PER2: variants seen among roughly 807,000 people sequenced by gnomAD.
PER2 encodes the protein period circadian regulator 2.
PER2 carries 66 observed loss-of-function variants against 121.0 expected under a neutral mutation model. That is an observed-to-expected ratio of 0.55 (90% CI 0.45 to 0.67). PER2 has a LOEUF of 0.67. Among genes scored for constraint, PER2 ranks in the 30% least tolerant of loss-of-function variants. The pLI, the probability that PER2 is intolerant of heterozygous loss-of-function variation, is 0.00. For missense variants in PER2, 1,521 were observed against 1,635.0 expected (o/e 0.93, Z 1.20); for synonymous variants, 684 against 659.9 (o/e 1.04, Z -0.56).
At chr2:238,273,228 C>A (rs1332343020) in intron 4 of PER2, 37 bp from the exon 5 acceptor site, 3 of 1,608,048 alleles carry the variant, frequency 1.9e-6, no homozygotes, top group Non-Finnish European at 1.7e-6. Context: ...TGGGCAGAAC[C>A]CAGCGCTTGG....
chr2:238,284,275 C>G (rs540402532), intron 1 of PER2, among the ~76,000 whole-genome samples: 5 of 152,098 alleles, frequency 3.3e-5, no homozygotes, highest in Middle Eastern at 3.4e-3. Context: ...AAACCCGTCT[C>G]TACTAAAAAT....
chr2:238,292,777 G>C (rs1235486569), upstream of PER2, among the ~76,000 whole-genome samples: 1 of 139,132 alleles, frequency 7.2e-6, no homozygotes, highest in African/African-American at 2.7e-5. Context: ...TCACTCTTTC[G>C]CCCAGACTGG....
chr2:238,268,957 A>G lies in PER2; in HGVS notation c.790T>C (p.Cys264Arg). Reference protein sequence around the residue: ...CSGADSFTQECMEEKSFFCRV... With the variant: ...CSGADSFTQERMEEKSFFCRV... ...CAAAAGAAAGATTTCTCCTCCATGCATTCTTGAGTAAAAGAATCTAAAAGA... is the reference window on the plus strand; with the variant it reads ...CAAAAGAAAGATTTCTCCTCCATGCGTTCTTGAGTAAAAGAATCTAAAAGA... Residue 264 changes from cysteine (C) to arginine (R), a missense_variant, in exon 7 of 23, where the codon TGC (cysteine) becomes CGC (arginine). Coordinates refer to ENST00000254657, the MANE Select transcript of PER2 (RefSeq NM_022817.3). This position sits in a 1 kb window ranked among gnomAD's most constrained non-coding sequence, Gnocchi z 4.0. 1.2e-6 allele frequency: 2 copies of G among 1,612,670 alleles called. No individual in the cohort carries two copies. The highest frequency in any genetic ancestry group is 8.5e-7 in the Non-Finnish European group (1 of 1,178,586).
chr2:238,274,542 G>A (rs2106321484), intron 4 of PER2, among the ~76,000 whole-genome samples: 1 of 152,356 alleles, frequency 6.6e-6, no homozygotes, highest in East Asian at 1.9e-4. Context: ...ATGTGGCAGA[G>A]CTTCTGAGCT....
chr2:238,273,919 G>A (rs940617267), intron 4 of PER2, among the ~76,000 whole-genome samples: 4 of 152,298 alleles, frequency 2.6e-5, no homozygotes, highest in Non-Finnish European at 5.9e-5. Context: ...GCCCGCCTCG[G>A]CCTCCCAAAG....
rs191440490 is a variant in PER2, at chr2:238,245,671, G to A, written c.*704C>T. The A allele has an allele frequency of 2.7e-4, 106 of 398,650 alleles. No individual in the cohort carries two copies. The East Asian group carries it at 2.9e-3, about 11-fold the overall frequency. 24.7% of individuals were successfully genotyped at this position (398,650 alleles called of 1,614,324 possible). Reference sequence around the variant, plus strand: ...AGAAATATACAGAGGGTCTGTCTGCGTGTGCATTCATCCGATGGAGTTGGC... The same window carrying A: ...AGAAATATACAGAGGGTCTGTCTGCATGTGCATTCATCCGATGGAGTTGGC... On this transcript the variant is annotated 3_prime_UTR_variant, in exon 23 of 23. Coordinates refer to ENST00000254657, the MANE Select transcript of PER2 (RefSeq NM_022817.3).
At chr2:238,254,306 A>T (rs1200948189) in intron 18 of PER2, 1 of 158,642 alleles carries the variant, frequency 6.3e-6, no homozygotes, top group Non-Finnish European at 1.4e-5. Flanking sequence ...TAAAGGAGGG[A>T]CTCTGGGTAT....
At chr2:238,289,059 C>G (rs943257919), upstream of PER2, 1 of 152,256 alleles carries the variant, frequency 6.6e-6, no homozygotes, top group African/African-American at 2.4e-5. Context: ...CTTCCATTCA[C>G]TACGCCCTCA....
At chr2:238,259,857 G>A in intron 14 of PER2, 112 bp downstream of exon 14, 2 of 677,478 alleles carry the variant, frequency 3.0e-6, no homozygotes, top group Non-Finnish European at 5.5e-6. Context: ...GTGTGACACG[G>A]CTACAAGGTA....
chr2:238,254,984 G>A (rs1285799739), intron 18 of PER2: 2 of 152,164 alleles, frequency 1.3e-5, no homozygotes, highest in Non-Finnish European at 2.9e-5. Flanking sequence ...AGCGTCCCAG[G>A]GGGAAGGGAA....
At chr2:238,255,630 C>A (rs764566955) in intron 18 of PER2, 27 bp downstream of exon 18, 3 of 1,612,868 alleles carry the variant, frequency 1.9e-6, no homozygotes, top group Admixed American at 1.7e-5. Flanking sequence ...TTTTTTAAAA[C>A]GCACTTTTAA....
At chr2:238,262,721 C>T (rs1330584800) in intron 10 of PER2, among the ~76,000 whole-genome samples, 1 of 152,132 alleles carries the variant, frequency 6.6e-6, no homozygotes, top group African/African-American at 2.4e-5. Context: ...CGGACTCAGG[C>T]CACGGACTGA....
At chr2:238,275,641 T>C (rs1696428787) in intron 4 of PER2, 102 bp downstream of exon 4, 2 of 1,310,780 alleles carry the variant, frequency 1.5e-6, no homozygotes, top group East Asian at 4.6e-5. Flanking sequence ...TGAGCTGCGA[T>C]GAGCCTCGAG....
chr2:238,271,287 C>A lies in PER2; in HGVS notation c.772+25G>T, dbSNP rs767236963. ...GCCCCTTTCCCGACCCCAGAGGGAA[C>A]AAGGCACTACCTCGATAACCTCACC... On this transcript the variant is annotated intron_variant, in intron 6 of 22. Coordinates refer to ENST00000254657, the MANE Select transcript of PER2 (RefSeq NM_022817.3). The A allele has an allele frequency of 1.2e-5, 19 of 1,601,258 alleles. No homozygotes were observed. In the Admixed American group the frequency reaches 3.0e-4, roughly 25 times the overall value.
At chr2:238,292,466 C>T (rs1452779888), upstream of PER2, among the ~76,000 whole-genome samples, 1 of 152,100 alleles carries the variant, frequency 6.6e-6, no homozygotes, top group East Asian at 1.9e-4. Flanking sequence ...CAAAGGATGC[C>T]CTAGAGATCA....
Position 238,245,169 on chromosome 2 carries a change from A to C in PER2, c.*1206T>G, listed in dbSNP as rs1292168279. On this transcript the variant is annotated 3_prime_UTR_variant, in exon 23 of 23. Transcript: ENST00000254657. ...GAATTTCCACCAGGGACCAATATTAAATTTTCTGAACCATCTTTGGAATAT... is the reference window on the plus strand; with the variant it reads ...GAATTTCCACCAGGGACCAATATTACATTTTCTGAACCATCTTTGGAATAT... 1 of 170,340 alleles carries C rather than the reference A, an allele frequency of 5.9e-6. No homozygotes were observed. The highest frequency in any genetic ancestry group is 1.2e-5 in the Non-Finnish European group (1 of 80,516). 10.6% of individuals were successfully genotyped at this position (170,340 alleles called of 1,614,324 possible).
In PER2 at chr2:238,250,495, G is replaced by C. The variant is rs1695567269; in HGVS notation, c.3467+56C>G. 4.8e-6 allele frequency: 6 copies of C among 1,260,424 alleles called. No homozygotes were observed. In the South Asian group the frequency reaches 7.4e-5, roughly 16 times the overall value. 78.1% of individuals were successfully genotyped at this position (1,260,424 alleles called of 1,614,324 possible). ...GAATGACCTTGACCTTGTTGTTTCTGGGAGCTCCTGAACCCCATCCCTCCC... is the reference window on the plus strand; with the variant it reads ...GAATGACCTTGACCTTGTTGTTTCTCGGAGCTCCTGAACCCCATCCCTCCC... On this transcript the variant is annotated intron_variant, in intron 21 of 22. Coordinates refer to ENST00000254657, the MANE Select transcript of PER2 (RefSeq NM_022817.3).
rs1194050728 is a variant in PER2, at chr2:238,262,896, A to G, written c.1153+56T>C. On this transcript the variant is annotated intron_variant, in intron 10 of 22. Coordinates refer to ENST00000254657, the MANE Select transcript of PER2 (RefSeq NM_022817.3). ...AGACTGGTCCCAAGAAGCAGCCCCA[A>G]GGACACAGGAACTTCCGCCAAACAC... 14 of 1,221,442 alleles carry G rather than the reference A, an allele frequency of 1.1e-5. No individual in the cohort carries two copies. The South Asian group carries it at 1.4e-4, about 12-fold the overall frequency. The allele number at this position is 1,221,442 out of a possible 1,614,324, so 75.7% of individuals were successfully genotyped here.
At chr2:238,266,149 C>T (rs1263351775) in intron 8 of PER2, among the ~76,000 whole-genome samples, 6 of 152,054 alleles carry the variant, frequency 3.9e-5, no homozygotes, top group Non-Finnish European at 2.9e-5. Flanking sequence ...GTGATCCGCC[C>T]ACCTTGGCCT....
Sources: gnomAD v4.1 joint callset for allele counts (sites outside exome capture counted in the v4.1 genomes callset) on GRCh38, gnomAD v4.1.1 for gene constraint, Gnocchi (gnomAD v3.1) non-coding constraint, MANE v1.5 for transcripts, NCBI Gene and HGNC (gene_info 2026-07-23, HGNC 2026-07-21) for gene names.